Variants in ANKRD17 observed in about 807,000 individuals in gnomAD.
ANKRD17 encodes ankyrin repeat domain 17, also known as ankyrin repeat domain-containing protein 17.
In ANKRD17, 19 loss-of-function variants were observed where a neutral mutation model predicts 229.7. That is an observed-to-expected ratio of 0.08 (90% CI 0.06 to 0.12). ANKRD17 has a LOEUF of 0.12. ANKRD17 is among the 10% of genes least tolerant of loss of function. The pLI is 1.00. For missense variants in ANKRD17, 2,176 were observed against 3,176.8 expected (o/e 0.68, Z 7.57); for synonymous variants, 1,112 against 1,146.1 (o/e 0.97, Z 0.60).
intron 1 of ANKRD17, among the ~76,000 whole-genome samples, chr4:73,214,389 G>C (rs559535490): frequency 6.6e-6 from 1 of 152,326 alleles, no homozygotes; most frequent in African/African-American, 2.4e-5. Context: ...TAAAACAGCA[G>C]TTGTGCAAGT....
intron 2 of ANKRD17, among the ~76,000 whole-genome samples, chr4:73,172,603 T>G (rs1002461239): frequency 5.3e-5 from 8 of 152,148 alleles, no homozygotes; most frequent in African/African-American, 1.9e-4. Flanking sequence ...ACAACAACTT[T>G]TCAAGACATA....
At chr4:73,217,516 CT>C (rs928089847) in intron 1 of ANKRD17, among the ~76,000 whole-genome samples, 11 of 147,996 alleles carry the variant, frequency 7.4e-5, no homozygotes, top group Admixed American at 1.4e-4. Flanking sequence ...AAATCCAAAA[CT>C]TTTTTTTTTT....
chr4:73,178,503 C>T (rs1018778916), intron 1 of ANKRD17, among the ~76,000 whole-genome samples: 2 of 151,580 alleles, frequency 1.3e-5, no homozygotes, highest in African/African-American at 4.9e-5. Context: ...ACTTCAAGCA[C>T]GTGGTAGTGA....
At chr4:73,169,729 C>T (rs1578257997) in intron 2 of ANKRD17, among the ~76,000 whole-genome samples, 2 of 152,212 alleles carry the variant, frequency 1.3e-5, no homozygotes, top group African/African-American at 4.8e-5. Context: ...CCCCTAGCAG[C>T]TCCCCACATG....
intron 1 of ANKRD17, among the ~76,000 whole-genome samples, chr4:73,203,713 C>G (rs1738997135): frequency 7.4e-6 from 1 of 135,954 alleles, no homozygotes; most frequent in Non-Finnish European, 1.5e-5. Context: ...GAGTCGAGAT[C>G]ACGCCACTGC....
intron 1 of ANKRD17, among the ~76,000 whole-genome samples, chr4:73,191,337 ATATATGTGTGTGTGTGTGTGTG>A (rs1362073323): frequency 2.9e-4 from 18 of 61,944 alleles, no homozygotes; most frequent in African/African-American, 1.2e-3. Flanking sequence ...ACCAAAAAAT[ATATATGTGTGTGTGTGTGTGTG>A]TGTGTGTGTG....
intron 1 of ANKRD17, among the ~76,000 whole-genome samples, chr4:73,206,494 TAGAA>T (rs908584683): frequency 6.7e-6 from 1 of 149,544 alleles, no homozygotes; most frequent in African/African-American, 2.5e-5. Context: ...GAGGGAAAGA[TAGAA>T]AGAAATCTTG....
At chr4:73,232,781 T>G (rs1743173280) in intron 1 of ANKRD17, among the ~76,000 whole-genome samples, 1 of 152,146 alleles carries the variant, frequency 6.6e-6, no homozygotes, top group African/African-American at 2.4e-5. Context: ...TACAGTTCAG[T>G]GATATGATCT....
At chr4:73,145,739 T>TAGA in intron 10 of ANKRD17, among the ~76,000 whole-genome samples, 1 of 152,186 alleles carries the variant, frequency 6.6e-6, no homozygotes, top group Non-Finnish European at 1.5e-5. Context: ...ACTTATTATA[T>TAGA]ACGTTCTATT....
intron 18 of ANKRD17, among the ~76,000 whole-genome samples, chr4:73,121,981 C>T (rs1380488863): frequency 6.6e-6 from 1 of 152,028 alleles, no homozygotes; most frequent in African/African-American, 2.4e-5. Context: ...CACTAAAATG[C>T]TACAATGTGT....
At chr4:73,133,712 A>G (rs1728543597) in intron 16 of ANKRD17, among the ~76,000 whole-genome samples, 1 of 151,828 alleles carries the variant, frequency 6.6e-6, no homozygotes, top group African/African-American at 2.4e-5. Flanking sequence ...TTTTTTTTTA[A>G]AAGGCTATGT....
chr4:73,074,639 G>A lies in ANKRD17; in HGVS notation c.*1592C>T, dbSNP rs528423906. The stretch of plus-strand genomic sequence containing the variant: ...CTCAGGCTTTACTCTTTACTCAGAT[G>A]GAAGAAATCATTTGATTTACTTGAC... On this transcript the variant is annotated 3_prime_UTR_variant, in exon 34 of 34. Coordinates refer to ENST00000358602, the MANE Select transcript of ANKRD17 (RefSeq NM_032217.5). 6.4e-4 allele frequency: 97 copies of A among 151,744 alleles called. No homozygotes were observed. Among genetic ancestry groups the A allele is most frequent in the African/African-American group, 2.1e-3 (89 of 41,460 alleles). The allele number at this position is 151,744 out of a possible 1,614,324, so 9.4% of individuals were successfully genotyped here.
intron 30 of ANKRD17, among the ~76,000 whole-genome samples, chr4:73,082,833 G>A (rs192108500): frequency 2.2e-4 from 34 of 152,232 alleles, no homozygotes; most frequent in African/African-American, 7.9e-4. Flanking sequence ...AATCTTGGAT[G>A]AGAGAAAATA....
intron 24 of ANKRD17, among the ~76,000 whole-genome samples, chr4:73,107,342 T>G (rs1002695113): frequency 1.3e-5 from 2 of 152,208 alleles, no homozygotes; most frequent in African/African-American, 2.4e-5. Context: ...AGGGGAAAGA[T>G]CCAACAAAAA....
At chr4:73,160,213 T>C (rs1427933116) in intron 3 of ANKRD17, among the ~76,000 whole-genome samples, 14 of 23,418 alleles carry the variant, frequency 6.0e-4, no homozygotes, top group Admixed American at 8.6e-4. Context: ...CTTATCACTT[T>C]TTTTTTTTTT....
At position 73,091,726 on chromosome 4, in the gene ANKRD17, T is replaced by G. The variant is rs1157237589; in HGVS notation, c.5902A>C (p.Ser1968Arg). 12 of 1,614,196 alleles carry G rather than the reference T, an allele frequency of 7.4e-6. No individual in the cohort carries two copies. Among genetic ancestry groups the G allele is most frequent in the South Asian group, 1.1e-5 (1 of 91,072 alleles). The change falls in exon 29 of 34, where the codon AGC becomes CGC. Residue 1968 changes from serine to arginine, a missense_variant. Ser to Arg is a moderately radical substitution (Grantham distance 110). Around this residue, in one of 18 missense-constraint regions of ANKRD17, gnomAD observed 424 missense variants for 454.0 expected, o/e 0.93. Transcript: ENST00000358602. ...GATGAACTGGTTGTAGTTGTTGGGC[T>G]TGAAGTTAAAGAACCTGCTGAATTC... The part of the protein sequence containing the change: ...QVNSAGSLTS[S>R]PTTTTSSSAS...
intron 1 of ANKRD17, among the ~76,000 whole-genome samples, chr4:73,226,377 T>C (rs2149226043): frequency 6.6e-6 from 1 of 150,530 alleles, no homozygotes; most frequent in Non-Finnish European, 1.5e-5. Context: ...TAGTAATAAT[T>C]TCTTTTCTTC....
chr4:73,109,609 G>A (rs899418656), intron 24 of ANKRD17, among the ~76,000 whole-genome samples: 2 of 152,086 alleles, frequency 1.3e-5, no homozygotes, highest in Non-Finnish European at 1.5e-5. Context: ...CTAAATGAAT[G>A]GAAGACTAAA....
intron 1 of ANKRD17, among the ~76,000 whole-genome samples, chr4:73,223,370 T>C (rs1252861058): frequency 6.6e-6 from 1 of 152,250 alleles, no homozygotes; most frequent in Non-Finnish European, 1.5e-5. Flanking sequence ...GCTTCCTGGT[T>C]GAACAAAAGA....
Sources: allele counts gnomAD v4.1 joint callset (sites outside exome capture counted in the v4.1 genomes callset), GRCh38; gene constraint gnomAD v4.1.1; regional missense constraint gnomAD v4.1.1; transcripts MANE v1.5; gene names NCBI Gene and HGNC (gene_info 2026-07-23, HGNC 2026-07-21).